The following PKP2 variants were observed in gnomAD, a reference collection of about 807,000 sequenced individuals.
PKP2 encodes plakophilin-2.
Under a neutral mutation model 83.4 loss-of-function variants are expected in PKP2, and 73 were observed. The ratio of observed to expected loss-of-function variants is 0.88; its 90% confidence interval spans 0.72 to 1.06. The LOEUF is 1.06. Among genes scored for constraint, PKP2 ranks in the 50% least tolerant of loss-of-function variants. The pLI is 0.00. For synonymous variants in PKP2, 409 were observed against 430.4 expected, an observed-to-expected ratio of 0.95 and a Z score of 0.62; for missense variants, 966 against 1,065.4, an observed-to-expected ratio of 0.91 and a Z score of 1.30.
At chr12:32,845,890 G>C (rs965772952) in intron 5 of PKP2, among the ~76,000 whole-genome samples, 10 of 151,952 alleles carry the variant, frequency 6.6e-5, no homozygotes, top group African/African-American at 2.4e-4. Flanking sequence ...TCAGATTATT[G>C]AAACGGCCAC....
intron 6 of PKP2, among the ~76,000 whole-genome samples, chr12:32,834,976 C>CGTGTGTGTGTGT (rs10629969): frequency 0.011 from 1,310 of 119,408 alleles, 30 homozygotes; most frequent in Non-Finnish European, 0.016. Flanking sequence ...TCACAATAGG[C>CGTGTGTGTGTGT]GTGTGTGTGT....
rs139127407 is a variant in PKP2 at position 32,842,099 on chromosome 12, T to C, written c.1379-894A>G. Reference sequence around the variant, plus strand: ...ACTGAGGCTGAGTACTGAGAGAAAATAGAAAGTGGCATATACGTTTAGGAT... The same window carrying C: ...ACTGAGGCTGAGTACTGAGAGAAAACAGAAAGTGGCATATACGTTTAGGAT... On this transcript the variant is annotated intron_variant, in intron 5 of 12. Coordinates refer to ENST00000340811, the MANE Select transcript of PKP2 (RefSeq NM_001005242.3). Among the ~76,000 whole-genome samples the C allele has an allele frequency of 4.1e-3, 631 of 152,304 alleles. 6 individuals are homozygous for C. The highest frequency in any genetic ancestry group is 0.014 in the African/African-American group (579 of 41,576).
chr12:32,836,339 G>A (rs1441084976), intron 6 of PKP2, among the ~76,000 whole-genome samples: 1 of 152,230 alleles, frequency 6.6e-6, no homozygotes, highest in Non-Finnish European at 1.5e-5. Flanking sequence ...CAAGGTGGTG[G>A]ACCTGACAGT....
chr12:32,793,366 T>C (rs1956090211), intron 11 of PKP2, among the ~76,000 whole-genome samples: 1 of 152,162 alleles, frequency 6.6e-6, no homozygotes, highest in South Asian at 2.1e-4. Flanking sequence ...TCTATATTTG[T>C]ATACTTATAA....
intron 8 of PKP2, chr12:32,821,917 C>T (rs1956383211): frequency 7.8e-6 from 2 of 257,314 alleles, no homozygotes; most frequent in Non-Finnish European, 1.5e-5. Context: ...AGGATAGCAC[C>T]AGGGTTCTAA....
intron 3 of PKP2, among the ~76,000 whole-genome samples, chr12:32,874,204 A>T (rs1214394406): frequency 6.6e-6 from 1 of 152,228 alleles, no homozygotes; most frequent in East Asian, 1.9e-4. Flanking sequence ...CACTAGGCAT[A>T]AAAACTTAAA....
chr12:32,825,470 C>CAGCCATTCCTACTT (rs1956429872), intron 6 of PKP2, among the ~76,000 whole-genome samples: 1 of 152,108 alleles, frequency 6.6e-6, no homozygotes, highest in Non-Finnish European at 1.5e-5. Flanking sequence ...CACGCCTGGC[C>CAGCCATTCCTACTT]CAGATCAGTT....
At chr12:32,850,097 G>A (rs373417273) in intron 5 of PKP2, among the ~76,000 whole-genome samples, 4 of 152,274 alleles carry the variant, frequency 2.6e-5, no homozygotes, top group African/African-American at 9.6e-5. Flanking sequence ...AATCCTACAC[G>A]TTCTTAAACT....
At chr12:32,854,187 T>C (rs17543736) in intron 4 of PKP2, among the ~76,000 whole-genome samples, 3,656 of 152,304 alleles carry the variant, frequency 0.024, 54 homozygotes, top group Non-Finnish European at 0.027. Flanking sequence ...GCTGCAATGA[T>C]AGAATTAGTA....
intron 1 of PKP2, among the ~76,000 whole-genome samples, chr12:32,888,609 C>A (rs1957051542): frequency 6.6e-6 from 1 of 151,796 alleles, no homozygotes; most frequent in Non-Finnish European, 1.5e-5. Flanking sequence ...CCTGCCTCAG[C>A]CTCCCAAGTA....
intron 5 of PKP2, 75 bp downstream of exon 5, chr12:32,850,691 A>G: frequency 8.7e-7 from 1 of 1,148,246 alleles, no homozygotes; most frequent in South Asian, 1.3e-5. Flanking sequence ...CAGGAAACTT[A>G]AGAAAAAGAG....
At chr12:32,889,116 G>A (rs545160426) in intron 1 of PKP2, among the ~76,000 whole-genome samples, 17 of 152,230 alleles carry the variant, frequency 1.1e-4, no homozygotes, top group Middle Eastern at 3.4e-3. Context: ...CTGCCTATAA[G>A]GGACACAACT....
rs750897570 is a variant in PKP2, at chr12:32,850,777, T to C, written c.1367A>G (p.Lys456Arg). ...LKQTRDLETKKQITGLLWNLS... is the reference protein window; with the variant it reads ...LKQTRDLETKRQITGLLWNLS... Reference sequence around the variant, plus strand: ...TCAGTAAGCACTACCTGTTATTTGTTTTTTAGTCTCCAAGTCTCTGGTTTG... The same window carrying C: ...TCAGTAAGCACTACCTGTTATTTGTCTTTTAGTCTCCAAGTCTCTGGTTTG... Residue 456 changes from lysine (K) to arginine (R), a missense_variant, in exon 5 of 13, where the codon AAA becomes AGA. Physicochemically the swap from Lys to Arg is conservative, Grantham distance 26 (BLOSUM62 2). Transcript: ENST00000340811. The C allele has an allele frequency of 6.2e-7, 1 of 1,612,336 alleles. No individual in the cohort carries two copies. The highest frequency in any genetic ancestry group is 8.5e-7 in the Non-Finnish European group (1 of 1,179,664).
At chr12:32,796,077 AGGCAGCTGAC>A in intron 11 of PKP2, 22 bp downstream of exon 11, 2 of 1,572,516 alleles carry the variant, frequency 1.3e-6, no homozygotes, top group South Asian at 2.2e-5. Flanking sequence ...GGGGAAAGGG[AGGCAGCTGAC>A]GGGCAGAACT....
chr12:32,809,964 C>T (rs1011349625), intron 9 of PKP2, among the ~76,000 whole-genome samples: 31 of 152,212 alleles, frequency 2.0e-4, no homozygotes, highest in African/African-American at 7.5e-4. Flanking sequence ...TCACTTGATG[C>T]TTTCATTCCT....
intron 1 of PKP2, among the ~76,000 whole-genome samples, chr12:32,885,604 C>T (rs772777575): frequency 3.3e-5 from 5 of 151,766 alleles, no homozygotes; most frequent in African/African-American, 7.3e-5. Flanking sequence ...GCAGAGGTTG[C>T]GGTGAGGTGA....
intron 4 of PKP2, among the ~76,000 whole-genome samples, chr12:32,866,199 G>A (rs2137910874): frequency 6.6e-6 from 1 of 152,092 alleles, no homozygotes; most frequent in African/African-American, 2.4e-5. Flanking sequence ...AACAAAATGG[G>A]CAAAAGAATT....
chr12:32,864,366 T>C (rs1956828641), intron 4 of PKP2, among the ~76,000 whole-genome samples: 1 of 149,496 alleles, frequency 6.7e-6, no homozygotes, highest in Non-Finnish European at 1.5e-5. Context: ...ATATTATATA[T>C]ATATTATCTA....
rs879168083 is a variant in PKP2 at position 32,841,164 on chromosome 12, G to C, written c.1420C>G (p.Leu474Val). 1.2e-6 allele frequency: 2 copies of C among 1,613,540 alleles called. No individual in the cohort carries two copies. The highest frequency in any genetic ancestry group is 2.7e-5 in the African/African-American group (2 of 74,900). ...NLSSNDKLKN[L>V]MITEALLTLT... The stretch of plus-strand genomic sequence containing the variant: ...GTAAGCAATGCTTCTGTTATCATGA[G>C]ATTCTTGAGTTTGTCATTAGATGAC... Residue 474 changes from leucine to valine, a missense_variant, in exon 6 of 13, where the codon CTC becomes GTC. Physicochemically the swap from Leu to Val is conservative, Grantham distance 32. Coordinates refer to ENST00000340811, the MANE Select transcript of PKP2 (RefSeq NM_001005242.3).
Sources: gnomAD v4.1 joint callset for allele counts (sites outside exome capture counted in the v4.1 genomes callset) on GRCh38, gnomAD v4.1.1 for gene constraint, MANE v1.5 for transcripts, NCBI Gene and HGNC (gene_info 2026-07-23, HGNC 2026-07-21) for gene names.